VSTM5: variants seen among roughly 807,000 people sequenced by gnomAD.
The protein encoded by VSTM5 is V-set and transmembrane domain containing 5.
Under a neutral mutation model 20.3 loss-of-function variants are expected in VSTM5, and 21 were observed. The observed-to-expected ratio is 1.03, with a 90% CI of 0.73 to 1.49. The LOEUF (loss-of-function observed/expected upper bound fraction) is 1.49. Among genes scored for constraint, VSTM5 ranks in the 40% most tolerant of loss-of-function variants. The probability of loss-of-function intolerance (pLI) is 0.00; values close to 1 mark genes in which losing one functional copy is unlikely to be tolerated. For missense variants in VSTM5, 219 were observed against 250.0 expected (o/e 0.88, Z 0.84); for synonymous variants, 100 against 102.5 (o/e 0.98, Z 0.14).
At chr11:93,838,663 C>T (rs1325094226) in intron 1 of VSTM5, among the ~76,000 whole-genome samples, 18 of 144,832 alleles carry the variant, frequency 1.2e-4, no homozygotes, top group Non-Finnish European at 2.5e-4. Flanking sequence ...CTGGGTGTGG[C>T]GCTGGCGCCT....
At chr11:93,846,629 A>G (rs1944412295) in intron 1 of VSTM5, among the ~76,000 whole-genome samples, 1 of 152,176 alleles carries the variant, frequency 6.6e-6, no homozygotes, top group Non-Finnish European at 1.5e-5. Context: ...CAGCATATTT[A>G]TATGATGACA....
In VSTM5 at chr11:93,835,081, C is replaced by T. The variant is rs142190638; in HGVS notation, c.92-13758G>A. Among the ~76,000 whole-genome samples, 29 of 152,256 alleles carry T rather than the reference C, an allele frequency of 1.9e-4. 1 individual carries two copies. The highest frequency in any genetic ancestry group is 2.8e-4 in the Non-Finnish European group (19 of 68,018). On this transcript the variant is annotated intron_variant, in intron 1 of 3. Coordinates refer to ENST00000409977, the MANE Select transcript of VSTM5 (RefSeq NM_001144871.2). ...GGTCTCACCAGCAAAAAGGTCCTCA[C>T]CAGATGTGGCCCTCAATCTTGGACT...
chr11:93,834,937 A>C (rs1326603503), intron 1 of VSTM5, among the ~76,000 whole-genome samples: 1 of 152,162 alleles, frequency 6.6e-6, no homozygotes, highest in African/African-American at 2.4e-5. Context: ...ATTAATAGAT[A>C]AGTGAGTTAA....
intron 1 of VSTM5, chr11:93,827,502 A>G (rs1160980085): frequency 1.3e-5 from 2 of 152,236 alleles, no homozygotes; most frequent in African/African-American, 4.8e-5. Flanking sequence ...ATCTCATGCT[A>G]AAATTAATCT....
At chr11:93,848,141 G>A (rs1012119185) in intron 1 of VSTM5, among the ~76,000 whole-genome samples, 1 of 152,164 alleles carries the variant, frequency 6.6e-6, no homozygotes, top group East Asian at 1.9e-4. Context: ...TTCAAAAGCA[G>A]GGTGTTTGGC....
At chr11:93,849,885 C>T (rs990608822) in intron 1 of VSTM5, among the ~76,000 whole-genome samples, 1 of 152,220 alleles carries the variant, frequency 6.6e-6, no homozygotes. Flanking sequence ...CCAACCCAAA[C>T]CCCAGAACCG....
intron 1 of VSTM5, among the ~76,000 whole-genome samples, chr11:93,849,526 TA>T (rs1944441120): frequency 6.6e-6 from 1 of 152,206 alleles, no homozygotes; most frequent in Admixed American, 6.5e-5. Context: ...AGGGTTGCCC[TA>T]AGGACTAAAT....
intron 1 of VSTM5, among the ~76,000 whole-genome samples, chr11:93,826,635 G>A (rs1017573650): frequency 2.0e-5 from 3 of 151,868 alleles, no homozygotes; most frequent in Non-Finnish European, 4.4e-5. Flanking sequence ...TCCTGACCTC[G>A]TGATCCGCCC....
chr11:93,832,973 T>C (rs1412198332), intron 1 of VSTM5, among the ~76,000 whole-genome samples: 1 of 152,134 alleles, frequency 6.6e-6, no homozygotes, highest in African/African-American at 2.4e-5. Context: ...GAGACAGATA[T>C]GACAAAAAGC....
chr11:93,846,874 C>G (rs1944416261), intron 1 of VSTM5, among the ~76,000 whole-genome samples: 1 of 150,296 alleles, frequency 6.7e-6, no homozygotes. Flanking sequence ...TCAAGCGATT[C>G]TCCTGCCTCA....
chr11:93,846,751 A>T (rs7127425), intron 1 of VSTM5, among the ~76,000 whole-genome samples: 80,311 of 149,146 alleles, frequency 0.54, 22,328 homozygotes, highest in East Asian at 0.72. Flanking sequence ...ATGCATTTTT[A>T]AAAAATTTTT....
chr11:93,830,462 C>T (rs961086678), intron 1 of VSTM5, among the ~76,000 whole-genome samples: 4 of 151,498 alleles, frequency 2.6e-5, no homozygotes, highest in South Asian at 2.1e-4. Flanking sequence ...CAAGATCGTT[C>T]GTTATAGAGA....
intron 1 of VSTM5, among the ~76,000 whole-genome samples, chr11:93,838,835 G>A (rs2135737079): frequency 6.6e-6 from 1 of 152,220 alleles, no homozygotes; most frequent in Non-Finnish European, 1.5e-5. Flanking sequence ...AACCATACAG[G>A]TAAGAAAGCC....
chr11:93,829,068 C>T (rs1026939688), intron 1 of VSTM5, among the ~76,000 whole-genome samples: 2 of 152,200 alleles, frequency 1.3e-5, no homozygotes, highest in African/African-American at 4.8e-5. Flanking sequence ...TGACACAGAA[C>T]TTTGTGTTCA....
intron 1 of VSTM5, among the ~76,000 whole-genome samples, chr11:93,836,652 T>C (rs1944325329): frequency 6.6e-6 from 1 of 152,238 alleles, no homozygotes; most frequent in Admixed American, 6.5e-5. Context: ...GTCAGGTCTC[T>C]TCTTGTATGT....
chr11:93,849,281 C>G (rs1944438607), intron 1 of VSTM5, among the ~76,000 whole-genome samples: 1 of 152,172 alleles, frequency 6.6e-6, no homozygotes, highest in Admixed American at 6.5e-5. Context: ...CGCCGCCCAC[C>G]CCAGTAGCTG....
In VSTM5 at chr11:93,818,293, T is replaced by C. The variant is rs1944147526; in HGVS notation, c.*2276A>G. 1.3e-5 allele frequency: 2 copies of C among 152,064 alleles called. No individual in the cohort carries two copies. The highest frequency in any genetic ancestry group is 4.2e-4 in the South Asian group (2 of 4,818). The allele number at this position is 152,064 out of a possible 1,614,324, so 9.4% of individuals were successfully genotyped here. On this transcript the variant is annotated 3_prime_UTR_variant, in exon 4 of 4. Transcript: ENST00000409977. Reference sequence around the variant, plus strand: ...CTTTTTTTTTTCACAGTTTGAAATATAATTTATAGCTTAACATTTACACTA... The same window carrying C: ...CTTTTTTTTTTCACAGTTTGAAATACAATTTATAGCTTAACATTTACACTA...
At chr11:93,839,541 C>CAA (rs1453107902) in intron 1 of VSTM5, among the ~76,000 whole-genome samples, 1 of 152,178 alleles carries the variant, frequency 6.6e-6, no homozygotes, top group Non-Finnish European at 1.5e-5. Context: ...TGTGAAAACT[C>CAA]AGAGTATGAC....
intron 1 of VSTM5, among the ~76,000 whole-genome samples, chr11:93,824,312 T>C (rs542433203): frequency 6.6e-6 from 1 of 152,316 alleles, no homozygotes; most frequent in South Asian, 2.1e-4. Context: ...CCTTTCTCCA[T>C]ATCTTGACCA....
Sources: allele counts gnomAD v4.1 joint callset (sites outside exome capture counted in the v4.1 genomes callset), GRCh38; gene constraint gnomAD v4.1.1; transcripts MANE v1.5; gene names NCBI Gene and HGNC (gene_info 2026-07-23, HGNC 2026-07-21).